NUP155: variants seen among roughly 807,000 people sequenced by gnomAD.
The protein encoded by NUP155 is nuclear pore complex protein Nup155.
Under a neutral mutation model 180.4 loss-of-function variants are expected in NUP155, and 71 were observed. That is an observed-to-expected ratio of 0.39 (90% CI 0.33 to 0.48). The LOEUF (loss-of-function observed/expected upper bound fraction) is 0.48. NUP155 is among the 20% of genes least tolerant of loss of function. The probability of loss-of-function intolerance (pLI) is 0.91; values close to 1 mark genes in which losing one functional copy is unlikely to be tolerated. For missense variants in NUP155, 1,553 were observed against 1,648.9 expected, an observed-to-expected ratio of 0.94 and a Z score of 1.01; for synonymous variants, 582 against 559.5, an observed-to-expected ratio of 1.04 and a Z score of -0.57.
At position 37,327,765 on chromosome 5, in the gene NUP155, G is replaced by A. The variant is rs763035604; in HGVS notation, c.1888C>T (p.Pro630Ser). The A allele has an allele frequency of 5.0e-6, 8 of 1,613,936 alleles. No individual in the cohort carries two copies. In the African/African-American group the frequency reaches 8.0e-5, roughly 16 times the overall value. The part of the protein sequence containing the change: ...LGTPSHGIQP[P>S]AMSTPVCALG... ...GCACACACTGGAGTTGACATGGCAG[G>A]AGGCTGTATACCTTGTACACACATA... is the stretch of plus-strand genomic sequence containing the variant. The change falls in exon 18 of 35, where the codon CCT (proline) becomes TCT (serine). Residue 630 changes from proline (P) to serine (S), a missense_variant. Coordinates refer to ENST00000231498, the MANE Select transcript of NUP155 (RefSeq NM_153485.3).
rs531807305 is a variant in NUP155, at chr5:37,364,065, T to C, written c.296-81A>G. 9.0e-5 allele frequency: 114 copies of C among 1,261,956 alleles called. 1 individual carries two copies. The African/African-American group carries it at 1.5e-3, about 17-fold the overall frequency. The allele number at this position is 1,261,956 out of a possible 1,614,324, so 78.2% of individuals were successfully genotyped here. Reference sequence around the variant, plus strand: ...GTTTCAATAGCTTTTGACTTAATATTTACGTAAAAAATCACAATGTGTCCA... The same window carrying C: ...GTTTCAATAGCTTTTGACTTAATATCTACGTAAAAAATCACAATGTGTCCA... On this transcript the variant is annotated intron_variant, in intron 2 of 34. Transcript: ENST00000231498.
chr5:37,311,489 T>C (rs1418432469), intron 22 of NUP155, among the ~76,000 whole-genome samples: 3 of 152,028 alleles, frequency 2.0e-5, no homozygotes, highest in Admixed American at 6.6e-5. Context: ...TTTTTAAAAA[T>C]AAAAAACAGT....
Position 37,363,956 on chromosome 5 carries a change from C to A in NUP155, c.324G>T (p.Val108=), listed in dbSNP as rs1167764238. Residue 108 remains valine, a synonymous_variant, in exon 3 of 35, where the codon GTG becomes GTT. Coordinates refer to ENST00000231498, the MANE Select transcript of NUP155 (RefSeq NM_153485.3). Reference sequence around the variant, plus strand: ...GCCAAGCTCTGCTGATAGGAGGGAACACACCCATCATGCAATTACACTGCA... The same window carrying A: ...GCCAAGCTCTGCTGATAGGAGGGAAAACACCCATCATGCAATTACACTGCA... ...GHMQCNCMMG[V]FPPISRAWLT... is the part of the protein sequence containing the mutation. The A allele has an allele frequency of 3.1e-6, 5 of 1,613,656 alleles. No homozygotes were observed. The East Asian group carries it at 1.1e-4, about 36-fold the overall frequency.
At chr5:37,335,866 G>T (rs935552918) in intron 12 of NUP155, among the ~76,000 whole-genome samples, 2 of 152,072 alleles carry the variant, frequency 1.3e-5, no homozygotes, top group African/African-American at 4.8e-5. Flanking sequence ...GGTGGCGGGT[G>T]CTGAGGTAGG....
chr5:37,330,247 T>C, intron 14 of NUP155, 115 bp from the exon 15 acceptor site: 1 of 739,844 alleles, frequency 1.4e-6, no homozygotes, highest in Non-Finnish European at 2.4e-6. Flanking sequence ...ATTCAATAAA[T>C]ACTTGCTGAC....
chr5:37,321,688 G>T (rs1336722364), intron 20 of NUP155, among the ~76,000 whole-genome samples: 1 of 152,124 alleles, frequency 6.6e-6, no homozygotes, highest in Non-Finnish European at 1.5e-5. Context: ...CTGCACTCCA[G>T]CCTGGGCAAC....
intron 20 of NUP155, among the ~76,000 whole-genome samples, chr5:37,320,446 C>A (rs1744174373): frequency 6.6e-6 from 1 of 152,186 alleles, no homozygotes; most frequent in Non-Finnish European, 1.5e-5. Context: ...CCATCGCACT[C>A]CAGCCTAGGT....
chr5:37,315,874 A>T (rs2150953439), intron 21 of NUP155, among the ~76,000 whole-genome samples: 1 of 152,314 alleles, frequency 6.6e-6, no homozygotes, highest in East Asian at 1.9e-4. Flanking sequence ...TGGGAGGTGG[A>T]GGCTGCAGTG....
At position 37,303,291 on chromosome 5, in the gene NUP155, G is replaced by A. The variant is rs745460418; in HGVS notation, c.3286C>T (p.Arg1096Cys). The A allele has an allele frequency of 3.0e-5, 49 of 1,613,880 alleles. No homozygotes were observed. The highest frequency in any genetic ancestry group is 1.6e-4 in the Middle Eastern group (1 of 6,084). Reference sequence around the variant, plus strand: ...ATGTCAGCCAGTCTGGACAGTACACGAGCAGCATTACTGAAACTTCTGTTC... The same window carrying A: ...ATGTCAGCCAGTCTGGACAGTACACAAGCAGCATTACTGAAACTTCTGTTC... ...EKNRSFSNAA[R>C]VLSRLADMHS... The change falls in exon 28 of 35, where the codon CGT becomes TGT. Residue 1096 changes from arginine (R) to cysteine (C), a missense_variant. Coordinates refer to ENST00000231498, the MANE Select transcript of NUP155 (RefSeq NM_153485.3).
At chr5:37,322,504 G>A (rs1458186122) in intron 20 of NUP155, among the ~76,000 whole-genome samples, 2 of 151,686 alleles carry the variant, frequency 1.3e-5, no homozygotes, top group Non-Finnish European at 2.9e-5. Flanking sequence ...TCAGGAGATC[G>A]AGACCATCCT....
chr5:37,367,736 A>G (rs1343850485), intron 1 of NUP155, among the ~76,000 whole-genome samples: 2 of 151,492 alleles, frequency 1.3e-5, no homozygotes, highest in African/African-American at 4.9e-5. Flanking sequence ...GGGTTTCACC[A>G]TGTTAGCCAG....
In NUP155 at chr5:37,290,182, G is replaced by A. The variant is rs894782020; in HGVS notation, c.*1718C>T. On this transcript the variant is annotated 3_prime_UTR_variant, in exon 35 of 35. Transcript: ENST00000231498. ...AGGTAATTATTTGTGGTAGCATAAA[G>A]AGAGAAGGGAATAGGCCAGGCACAT... 1 of 152,238 alleles carries A rather than the reference G, an allele frequency of 6.6e-6. No individual in the cohort carries two copies. Among genetic ancestry groups the A allele is most frequent in the East Asian group, 1.9e-4 (1 of 5,174 alleles). 9.4% of individuals were successfully genotyped at this position (152,238 alleles called of 1,614,324 possible). A position where few individuals can be genotyped will look rare whatever the true frequency, so the allele number is the denominator to read the frequency against.
Position 37,365,445 on chromosome 5 carries a change from C to T in NUP155, c.158-1061G>A, listed in dbSNP as rs890761328. Among the ~76,000 whole-genome samples, 7 of 149,812 alleles carry T rather than the reference C, an allele frequency of 4.7e-5. No homozygotes were observed. The South Asian group carries it at 8.5e-4, about 18-fold the overall frequency. ...ATACACCGTTGGGCGCGGTAGCTCACGCCTGTAATCCCAGCACTTTGGGAG... is the reference window on the plus strand; with the variant it reads ...ATACACCGTTGGGCGCGGTAGCTCATGCCTGTAATCCCAGCACTTTGGGAG... On this transcript the variant is annotated intron_variant, in intron 1 of 34. Coordinates refer to ENST00000231498, the MANE Select transcript of NUP155 (RefSeq NM_153485.3).
chr5:37,364,689 T>A (rs942983216), intron 1 of NUP155, among the ~76,000 whole-genome samples: 1 of 151,474 alleles, frequency 6.6e-6, no homozygotes. Context: ...CAGGCTGGAG[T>A]GCAGTGGCAC....
intron 2 of NUP155, 64 bp downstream of exon 2, chr5:37,364,183 G>A: frequency 7.5e-7 from 1 of 1,339,364 alleles, no homozygotes. Context: ...CATAGAACAA[G>A]AATTATAAGA....
chr5:37,365,360 T>C (rs1285334370), intron 1 of NUP155, among the ~76,000 whole-genome samples: 1 of 152,118 alleles, frequency 6.6e-6, no homozygotes, highest in Non-Finnish European at 1.5e-5. Flanking sequence ...CCATTTTCCC[T>C]GATGTGATCA....
At chr5:37,363,660 C>T (rs1747360486) in intron 3 of NUP155, among the ~76,000 whole-genome samples, 1 of 152,194 alleles carries the variant, frequency 6.6e-6, no homozygotes, top group African/African-American at 2.4e-5. Flanking sequence ...CCTAAACCAG[C>T]AGCAGCAGTT....
chr5:37,350,706 G>A (rs1746397773), intron 6 of NUP155, among the ~76,000 whole-genome samples: 1 of 151,976 alleles, frequency 6.6e-6, no homozygotes, highest in African/African-American at 2.4e-5. Context: ...GGGAGGCTGA[G>A]GCAGGAGAAC....
In NUP155 at chr5:37,307,357, T is replaced by C; in HGVS notation, c.2843A>G (p.His948Arg). 6.2e-7 allele frequency: 1 copy of C among 1,614,012 alleles called. No individual in the cohort carries two copies. Among genetic ancestry groups the C allele is most frequent in the Non-Finnish European group, 8.5e-7 (1 of 1,179,944 alleles). The change falls in exon 25 of 35, where the codon CAT becomes CGT. Residue 948 changes from histidine to arginine, a missense_variant. His to Arg is a conservative substitution (Grantham distance 29). Coordinates refer to ENST00000231498, the MANE Select transcript of NUP155 (RefSeq NM_153485.3). ...EKKDPQGLGL[H>R]FYKHGEPEED... is the part of the protein sequence containing the mutation. ...TTCTGGTTCTCCATGTTTATAGAAA[T>C]GAAGCCCAAGACCTTGAGGATCTTT... is the stretch of plus-strand genomic sequence containing the variant.
Sources: gnomAD v4.1 joint callset for allele counts (sites outside exome capture counted in the v4.1 genomes callset) on GRCh38, gnomAD v4.1.1 for gene constraint, MANE v1.5 for transcripts, NCBI Gene and HGNC (gene_info 2026-07-23, HGNC 2026-07-21) for gene names.